PEAK1: variants seen among roughly 807,000 people sequenced by gnomAD.
PEAK1 encodes pseudopodium enriched atypical kinase 1, also known as inactive tyrosine-protein kinase PEAK1.
In PEAK1, 54 loss-of-function variants were observed where a neutral mutation model predicts 124.7. That is an observed-to-expected ratio of 0.43 (90% CI 0.35 to 0.54). The LOEUF is 0.54. Among genes scored for constraint, PEAK1 ranks in the 20% least tolerant of loss-of-function variants. The pLI, the probability that PEAK1 is intolerant of heterozygous loss-of-function variation, is 0.01. For missense variants in PEAK1, 2,046 were observed against 2,134.5 expected, an observed-to-expected ratio of 0.96 and a Z score of 0.82; for synonymous variants, 719 against 760.0, an observed-to-expected ratio of 0.95 and a Z score of 0.89.
At chr15:77,312,899 A>G (rs1267885857) in intron 2 of PEAK1, among the ~76,000 whole-genome samples, 3 of 152,256 alleles carry the variant, frequency 2.0e-5, no homozygotes, top group South Asian at 2.1e-4. Flanking sequence ...AGGACAAGGT[A>G]GTTAGAAATG....
At chr15:77,261,958 C>G (rs917596177) in intron 5 of PEAK1, among the ~76,000 whole-genome samples, 4 of 152,128 alleles carry the variant, frequency 2.6e-5, no homozygotes, top group African/African-American at 4.8e-5. Context: ...CAATATTCAA[C>G]ATTCTTAAAG....
intron 1 of PEAK1, among the ~76,000 whole-genome samples, chr15:77,391,203 T>C (rs1226065824): frequency 6.6e-6 from 1 of 152,098 alleles, no homozygotes; most frequent in Admixed American, 6.5e-5. Context: ...AGTATCCACA[T>C]AGTTTCACAT....
At chr15:77,207,036 T>A (rs1201860084) in intron 6 of PEAK1, among the ~76,000 whole-genome samples, 1 of 152,126 alleles carries the variant, frequency 6.6e-6, no homozygotes, top group East Asian at 1.9e-4. Context: ...ATTTAATAAA[T>A]GGTGCTGGGA....
intron 2 of PEAK1, chr15:77,334,119 T>C (rs1483948318): frequency 2.2e-6 from 2 of 897,314 alleles, no homozygotes; most frequent in African/African-American, 1.8e-5. Flanking sequence ...TTTTATCGTT[T>C]CTAAATACTT....
rs186212316 is a variant in PEAK1, at chr15:77,328,110, C to T, written c.-603+37053G>A. On this transcript the variant is annotated intron_variant, in intron 2 of 9. Transcript: ENST00000682557. ...TGGCAAAAGATCACTTTACAGTATA[C>T]CACATGTATTTTAATCCATTGACTG... Among the ~76,000 whole-genome samples, 19 of 152,208 alleles carry T rather than the reference C, an allele frequency of 1.2e-4. No individual in the cohort carries two copies. The East Asian group carries it at 3.5e-3, about 28-fold the overall frequency.
intron 6 of PEAK1, among the ~76,000 whole-genome samples, chr15:77,235,827 G>A (rs1233379249): frequency 6.6e-6 from 1 of 152,214 alleles, no homozygotes; most frequent in South Asian, 2.1e-4. Context: ...TTAAGACATG[G>A]TGCCCTGCGT....
chr15:77,332,253 T>C, intron 2 of PEAK1: 1 of 985,264 alleles, frequency 1.0e-6, no homozygotes, highest in African/African-American at 1.7e-5. Flanking sequence ...GTTGATTTTT[T>C]TCCCCCTGAA....
intron 2 of PEAK1, chr15:77,346,381 G>GA: frequency 1.0e-6 from 1 of 984,792 alleles, no homozygotes. Context: ...ATCCCAGACA[G>GA]AAAAATGTTT....
At chr15:77,227,196 C>G (rs999840362) in intron 6 of PEAK1, among the ~76,000 whole-genome samples, 2 of 152,184 alleles carry the variant, frequency 1.3e-5, no homozygotes, top group African/African-American at 4.8e-5. Flanking sequence ...AAATGGCAAT[C>G]TAGAATAAGT....
downstream of PEAK1, chr15:77,105,317 GGTGTGTGTGTGTGTGTGTGTGT>G (rs67540842): frequency 2.8e-5 from 4 of 145,064 alleles, no homozygotes; most frequent in Non-Finnish European, 4.5e-5. Flanking sequence ...GCCATTAGTT[GGTGTGTGTGTGTGTGTGTGTGT>G]GTGTGTGTGT....
chr15:77,334,819 T>C (rs1442359870), intron 2 of PEAK1: 1 of 985,334 alleles, frequency 1.0e-6, no homozygotes, highest in Admixed American at 6.1e-5. Context: ...TCTAATTTGC[T>C]ATTCACTGCA....
rs569652813 is a variant in PEAK1 at position 77,244,915 on chromosome 15, T to C, written c.-115+7452A>G. On this transcript the variant is annotated intron_variant, in intron 6 of 9. Coordinates refer to ENST00000682557, the MANE Select transcript of PEAK1 (RefSeq NM_001385026.1). Reference sequence around the variant, plus strand: ...ACCCTCCCAATCTAACAAAATGTTATGTGAATTGTAAGGTGCTGAATAAGC... The same window carrying C: ...ACCCTCCCAATCTAACAAAATGTTACGTGAATTGTAAGGTGCTGAATAAGC... Among the ~76,000 whole-genome samples the C allele has an allele frequency of 1.4e-3, 206 of 152,302 alleles. 1 individual carries two copies. Among genetic ancestry groups the C allele is most frequent in the Middle Eastern group, 6.8e-3 (2 of 294 alleles).
chr15:77,264,205 T>G (rs1472652750), intron 5 of PEAK1, among the ~76,000 whole-genome samples: 5 of 152,080 alleles, frequency 3.3e-5, no homozygotes, highest in Non-Finnish European at 7.3e-5. Flanking sequence ...AAGACAGGGA[T>G]GCCCTCTCTC....
intron 5 of PEAK1, among the ~76,000 whole-genome samples, chr15:77,262,676 C>G (rs1424380081): frequency 5.3e-5 from 8 of 151,672 alleles, no homozygotes; most frequent in African/African-American, 1.7e-4. Context: ...ACCCCACAGA[C>G]AACATTAGAC....
intron 5 of PEAK1, among the ~76,000 whole-genome samples, chr15:77,253,447 C>T (rs1045854414): frequency 3.3e-5 from 5 of 152,116 alleles, no homozygotes; most frequent in African/African-American, 9.7e-5. Context: ...AAACAAAAAG[C>T]CATTTGTATT....
At chr15:77,362,129 A>G (rs1487644227) in intron 2 of PEAK1, among the ~76,000 whole-genome samples, 1 of 152,230 alleles carries the variant, frequency 6.6e-6, no homozygotes. Context: ...CATAGTTAAC[A>G]GTAATATGTA....
chr15:77,224,274 G>T lies in PEAK1; in HGVS notation c.-115+28093C>A, dbSNP rs117179734. Among the ~76,000 whole-genome samples, 874 of 151,764 alleles carry T rather than the reference G, an allele frequency of 5.8e-3. 34 individuals are homozygous for T. The East Asian group carries it at 0.11, about 19-fold the overall frequency. ...ATTCTTAACATTCCATAACAAAAAG[G>T]GCTGAAAAAAGGTTGGTTCACACAG... On this transcript the variant is annotated intron_variant, in intron 6 of 9. Transcript: ENST00000682557.
chr15:77,254,714 T>A (rs1311610176), intron 5 of PEAK1, among the ~76,000 whole-genome samples: 4 of 152,192 alleles, frequency 2.6e-5, no homozygotes, highest in Admixed American at 6.6e-5. Context: ...ATTACAGGTG[T>A]GAGCCACCAT....
rs545778038 is a variant in PEAK1 at position 77,160,462 on chromosome 15, G to A, written c.3138-1766C>T. Among the ~76,000 whole-genome samples, 12 of 152,246 alleles carry A rather than the reference G, an allele frequency of 7.9e-5. No homozygotes were observed. In the South Asian group the frequency reaches 2.5e-3, roughly 32 times the overall value. On this transcript the variant is annotated intron_variant, in intron 7 of 9. Coordinates refer to ENST00000682557, the MANE Select transcript of PEAK1 (RefSeq NM_001385026.1). Reference sequence around the variant, plus strand: ...GGAGGCTGAGGCGGGCGGATCACGAGGTCAAGAGATGGAGACCATCCTGGC... The same window carrying A: ...GGAGGCTGAGGCGGGCGGATCACGAAGTCAAGAGATGGAGACCATCCTGGC...
Sources: allele counts gnomAD v4.1 joint callset (sites outside exome capture counted in the v4.1 genomes callset), GRCh38; gene constraint gnomAD v4.1.1; transcripts MANE v1.5; gene names NCBI Gene and HGNC (gene_info 2026-07-23, HGNC 2026-07-21).